UGT2A1: variants seen among roughly 807,000 people sequenced by gnomAD.
UGT2A1 encodes UDP glucuronosyltransferase family 2 member A1 complex locus.
A neutral mutation model predicts 45.4 loss-of-function variants in UGT2A1; 61 were observed. The observed-to-expected ratio is 1.34, with a 90% CI of 1.09 to 1.66. UGT2A1 has a LOEUF of 1.66. Ranked by LOEUF, UGT2A1 falls within the 40% of genes most tolerant of loss-of-function variation. The probability of loss-of-function intolerance (pLI) is 0.00; values close to 1 mark genes in which losing one functional copy is unlikely to be tolerated. For missense variants in UGT2A1, 649 were observed against 574.3 expected (o/e 1.13, Z -1.33); for synonymous variants, 229 against 196.2 (o/e 1.17, Z -1.40).
chr4:69,617,946 C>T (rs982653673), intron 3 of UGT2A1, among the ~76,000 whole-genome samples: 48 of 151,826 alleles, frequency 3.2e-4, no homozygotes, highest in African/African-American at 1.1e-3. Context: ...ACTTTACAAT[C>T]CTAACATTAT....
intron 4 of UGT2A1, among the ~76,000 whole-genome samples, 194 bp downstream of exon 4, chr4:69,599,052 A>C (rs1054088323): frequency 6.6e-6 from 1 of 152,142 alleles, no homozygotes; most frequent in Non-Finnish European, 1.5e-5. Flanking sequence ...TTTATTCTTC[A>C]GTTTAAATTG....
At chr4:69,616,624 C>CGT (rs1720403998) in intron 3 of UGT2A1, among the ~76,000 whole-genome samples, 1 of 151,852 alleles carries the variant, frequency 6.6e-6, no homozygotes, top group African/African-American at 2.4e-5. Flanking sequence ...AAGCCACTGG[C>CGT]TTACCCATTC....
At chr4:69,643,186 G>A (rs1199702394) in intron 2 of UGT2A1, among the ~76,000 whole-genome samples, 2 of 151,340 alleles carry the variant, frequency 1.3e-5, no homozygotes, top group African/African-American at 2.4e-5. Context: ...GTGATACAAT[G>A]GCCCAATTAT....
Position 69,594,492 on chromosome 4 carries a change from A to T in UGT2A1, c.1289T>A (p.Val430Asp). The change falls in exon 6 of 7, where the codon GTC becomes GAC. Residue 430 changes from valine to aspartate, a missense_variant. By Grantham distance (152) the Val-to-Asp change is radical (BLOSUM62 -3). Coordinates refer to ENST00000286604, the MANE Select transcript of UGT2A1 (RefSeq NM_001252275.3). ...TAGTACTTACGAAGGTTCATTAATG[A>T]CTGTTCTCAAAGCGCTAAGCAAATC... ...SVDLLSALRTVINEPSYKENA... is the reference protein window; with the variant it reads ...SVDLLSALRTDINEPSYKENA... 6.2e-7 allele frequency: 1 copy of T among 1,614,138 alleles called. No homozygotes were observed. Among genetic ancestry groups the T allele is most frequent in the Non-Finnish European group, 8.5e-7 (1 of 1,180,004 alleles).
chr4:69,633,772 A>T (rs1013509478), intron 3 of UGT2A1, among the ~76,000 whole-genome samples: 2 of 152,150 alleles, frequency 1.3e-5, no homozygotes, highest in Non-Finnish European at 2.9e-5. Context: ...AGAAGCCAAG[A>T]AAGTGTTTAC....
intron 6 of UGT2A1, 142 bp downstream of exon 6, chr4:69,594,335 G>T: frequency 3.5e-6 from 4 of 1,144,928 alleles, no homozygotes; most frequent in Non-Finnish European, 4.8e-6. Context: ...TTAGCAGTTT[G>T]GCAAATAAAA....
chr4:69,589,782 G>A (rs1718485839), intron 6 of UGT2A1, 131 bp from the exon 7 acceptor site: 20 of 1,325,784 alleles, frequency 1.5e-5, no homozygotes, highest in Non-Finnish European at 1.9e-5. Context: ...ATTCTTGCAT[G>A]AACTTTGTTA....
chr4:69,607,687 A>G (rs1719738567), intron 3 of UGT2A1, among the ~76,000 whole-genome samples: 1 of 152,252 alleles, frequency 6.6e-6, no homozygotes, highest in Admixed American at 6.5e-5. Flanking sequence ...AAGGGCTAAT[A>G]TCCAGAATCT....
intron 4 of UGT2A1, 78 bp downstream of exon 4, chr4:69,599,168 A>G (rs1577950190): frequency 6.8e-7 from 1 of 1,477,234 alleles, no homozygotes; most frequent in Non-Finnish European, 9.0e-7. Context: ...TTTATTTGTT[A>G]TTGAGGCTAT....
intron 4 of UGT2A1, among the ~76,000 whole-genome samples, chr4:69,595,847 A>C (rs933314881): frequency 7.2e-5 from 11 of 152,164 alleles, no homozygotes; most frequent in African/African-American, 2.4e-4. Flanking sequence ...TAGACATTCG[A>C]ATTATATTTT....
intron 1 of UGT2A1, among the ~76,000 whole-genome samples, chr4:69,648,163 A>T (rs542726580): frequency 6.7e-6 from 1 of 150,344 alleles, no homozygotes; most frequent in African/African-American, 2.4e-5. Flanking sequence ...AAGATTGTCA[A>T]ATAATATGTA....
At chr4:69,644,232 C>T (rs1722158349) in intron 2 of UGT2A1, among the ~76,000 whole-genome samples, 1 of 151,628 alleles carries the variant, frequency 6.6e-6, no homozygotes, top group African/African-American at 2.4e-5. Context: ...CATTAACTTA[C>T]AGGCAAAATA....
rs763916816 is a variant in UGT2A1, at chr4:69,595,187, A to G, written c.1059T>C (p.Asp353=). Residue 353 remains aspartate, a synonymous_variant, in exon 5 of 7, where the codon GAT becomes GAC. Transcript: ENST00000286604. ...CAAGAAGATCATTCTGGGGTATCCA[A>G]TCAAAGAGCTGAGTATTGTTTCCTA... ...ATLGNNTQLF[D]WIPQNDLLGH... 1.2e-6 allele frequency: 2 copies of G among 1,613,838 alleles called. No individual in the cohort carries two copies. Among genetic ancestry groups the G allele is most frequent in the Non-Finnish European group, 1.7e-6 (2 of 1,179,866 alleles).
chr4:69,589,751 T>A (rs1718483992), intron 6 of UGT2A1, 100 bp from the exon 7 acceptor site: 1 of 1,460,088 alleles, frequency 6.8e-7, no homozygotes, highest in Admixed American at 2.4e-5. Context: ...TTTAAGGCCA[T>A]AGTTACGTGG....
intron 2 of UGT2A1, among the ~76,000 whole-genome samples, chr4:69,637,257 CAA>C (rs1721763806): frequency 1.3e-5 from 2 of 152,016 alleles, no homozygotes; most frequent in Non-Finnish European, 1.5e-5. Flanking sequence ...AAAATAAACT[CAA>C]ATTTTATTTA....
chr4:69,616,032 C>T (rs1022762630), intron 3 of UGT2A1, among the ~76,000 whole-genome samples: 2 of 151,892 alleles, frequency 1.3e-5, no homozygotes, highest in East Asian at 1.9e-4. Context: ...GGTGAATCAA[C>T]GGACAAGTGA....
chr4:69,602,647 T>C (rs1719363670), intron 3 of UGT2A1, among the ~76,000 whole-genome samples: 1 of 137,786 alleles, frequency 7.3e-6, no homozygotes, highest in Non-Finnish European at 1.6e-5. Context: ...AAGATTTAAT[T>C]TAAAAACTAA....
chr4:69,624,882 T>G (rs1720953028), intron 3 of UGT2A1, among the ~76,000 whole-genome samples: 2 of 151,390 alleles, frequency 1.3e-5, no homozygotes, highest in African/African-American at 4.8e-5. Context: ...TTATTTACAA[T>G]TTTTGTCTCT....
intron 6 of UGT2A1, among the ~76,000 whole-genome samples, chr4:69,590,473 G>C (rs1017973039): frequency 1.3e-5 from 2 of 152,100 alleles, no homozygotes; most frequent in Non-Finnish European, 1.5e-5. Context: ...TGGAAGAAAA[G>C]TTCCAGCCTG....
Sources: gnomAD v4.1 joint callset for allele counts (sites outside exome capture counted in the v4.1 genomes callset) on GRCh38, gnomAD v4.1.1 for gene constraint, MANE v1.5 for transcripts, NCBI Gene and HGNC (gene_info 2026-07-23, HGNC 2026-07-21) for gene names.